Variants in TRIM69 observed in about 807,000 individuals in gnomAD.
TRIM69 encodes tripartite motif containing 69, also known as E3 ubiquitin-protein ligase TRIM69.
In TRIM69, 29 loss-of-function variants were observed where a neutral mutation model predicts 37.7. The observed-to-expected ratio is 0.77, with a 90% CI of 0.57 to 1.05. The LOEUF is 1.05. TRIM69 is among the 50% of genes least tolerant of loss of function. The pLI is 0.00. For missense variants in TRIM69, 596 were observed against 579.9 expected, an observed-to-expected ratio of 1.03 and a Z score of -0.28; for synonymous variants, 209 against 212.4, an observed-to-expected ratio of 0.98 and a Z score of 0.14.
At chr15:44,753,764 G>A (rs1298224769) in intron 1 of TRIM69, 1 of 151,932 alleles carries the variant, frequency 6.6e-6, no homozygotes, top group Non-Finnish European at 1.5e-5. Flanking sequence ...TGCCCAAGCT[G>A]GGGTGCAGTG....
At chr15:44,762,156 T>A (rs914814498) in intron 6 of TRIM69, among the ~76,000 whole-genome samples, 2 of 151,924 alleles carry the variant, frequency 1.3e-5, no homozygotes, top group African/African-American at 4.8e-5. Flanking sequence ...TTAGTAGAGA[T>A]GGGGTTTCAC....
chr15:44,763,501 T>G (rs1360659564), intron 6 of TRIM69, among the ~76,000 whole-genome samples: 2 of 152,204 alleles, frequency 1.3e-5, no homozygotes, highest in African/African-American at 4.8e-5. Context: ...TTGTATACTT[T>G]GGAAGGCAGT....
At chr15:44,758,546 T>C in intron 3 of TRIM69, 75 bp from the exon 4 acceptor site, 1 of 1,576,666 alleles carries the variant, frequency 6.3e-7, no homozygotes, top group Non-Finnish European at 8.6e-7. Context: ...AGTGTGTGAG[T>C]GTTGGTGGTG....
chr15:44,739,683 G>A (rs960323888), intron 1 of TRIM69, among the ~76,000 whole-genome samples: 9 of 152,080 alleles, frequency 5.9e-5, no homozygotes, highest in African/African-American at 1.9e-4. Context: ...TGGGAGGGGC[G>A]CCCACCATTG....
intron 1 of TRIM69, among the ~76,000 whole-genome samples, chr15:44,748,561 A>C (rs779286945): frequency 2.6e-5 from 4 of 152,028 alleles, no homozygotes; most frequent in Non-Finnish European, 2.9e-5. Context: ...GTGGTGGCTC[A>C]TGCCTGTAAT....
intron 1 of TRIM69, among the ~76,000 whole-genome samples, chr15:44,741,825 A>G (rs1370446890): frequency 1.3e-5 from 2 of 152,250 alleles, no homozygotes. Flanking sequence ...GCAATAATCA[A>G]TAGCTTACCA....
In TRIM69 at chr15:44,767,372, T is replaced by C. The variant is rs1443910032; in HGVS notation, c.1103T>C (p.Leu368Pro). ...PERFDSSVAV[L>P]GSRGFTSGKW... is the part of the protein sequence containing the mutation. Reference sequence around the variant, plus strand: ...AGGTTTGACTCAAGTGTGGCTGTACTGGGCTCAAGAGGCTTCACCTCTGGA... The same window carrying C: ...AGGTTTGACTCAAGTGTGGCTGTACCGGGCTCAAGAGGCTTCACCTCTGGA... Residue 368 changes from leucine to proline, a missense_variant, in exon 7 of 7, where the codon CTG (leucine) becomes CCG (proline). Physicochemically the swap from Leu to Pro is moderately conservative, Grantham distance 98 (BLOSUM62 -3). Transcript: ENST00000329464. 6.2e-7 allele frequency: 1 copy of C among 1,614,146 alleles called. No homozygotes were observed. Among genetic ancestry groups the C allele is most frequent in the South Asian group, 1.1e-5 (1 of 91,086 alleles).
chr15:44,757,554 A>G (rs942226159), intron 3 of TRIM69: 1 of 152,254 alleles, frequency 6.6e-6, no homozygotes, highest in Non-Finnish European at 1.5e-5. Flanking sequence ...GTTAGCTGCT[A>G]TGTTAAACAG....
chr15:44,744,675 G>A (rs2468065), intron 1 of TRIM69, among the ~76,000 whole-genome samples: 118,155 of 151,990 alleles, frequency 0.78, 46,617 homozygotes, highest in Middle Eastern at 0.85. Context: ...TCCCATCTTG[G>A]TGGTGGTTTT....
Position 44,755,394 on chromosome 15 carries a change from C to T in TRIM69, c.483+18C>T, listed in dbSNP as rs753776021. ...TCTTCACGGTGGGTGAGCCCTGGGC[C>T]TTGAACAATCCCTTAGAAAAACTAG... On this transcript the variant is annotated intron_variant, in intron 2 of 6. Coordinates refer to ENST00000329464, the MANE Select transcript of TRIM69 (RefSeq NM_182985.5). 1 of 1,564,566 alleles carries T rather than the reference C, an allele frequency of 6.4e-7. No homozygotes were observed. Among genetic ancestry groups the T allele is most frequent in the Non-Finnish European group, 8.8e-7 (1 of 1,139,194 alleles).
chr15:44,765,615 G>A (rs558339002), intron 6 of TRIM69, among the ~76,000 whole-genome samples: 19 of 147,224 alleles, frequency 1.3e-4, no homozygotes, highest in African/African-American at 2.0e-4. Flanking sequence ...TCAGCTGAGC[G>A]TGGTGGTGCA....
rs574140776 is a variant in TRIM69, at chr15:44,749,513, C to G, written c.7-5387C>G. 2.0e-5 allele frequency among the ~76,000 whole-genome samples: 3 copies of G among 152,216 alleles called. No homozygotes were observed. In the East Asian group the frequency reaches 5.8e-4, roughly 29 times the overall value. ...GACCTTTTGTGTCTGGGTTTTTTCA[C>G]TTAGCATAATGTTTTTGAGGTTCAT... On this transcript the variant is annotated intron_variant, in intron 1 of 6. Coordinates refer to ENST00000329464, the MANE Select transcript of TRIM69 (RefSeq NM_182985.5).
At chr15:44,736,832 C>G in intron 1 of TRIM69, 122 bp downstream of exon 1, 1 of 1,107,940 alleles carries the variant, frequency 9.0e-7, no homozygotes, top group Admixed American at 2.4e-5. Flanking sequence ...AAGTATTTAA[C>G]TTGTGACAGC....
chr15:44,745,114 G>A (rs1293683940), intron 1 of TRIM69, among the ~76,000 whole-genome samples: 4 of 151,662 alleles, frequency 2.6e-5, no homozygotes, highest in Non-Finnish European at 2.9e-5. Flanking sequence ...TTTTCTTCTC[G>A]GAGTGACTTT....
At chr15:44,738,233 A>ATTT (rs11440122) in intron 1 of TRIM69, among the ~76,000 whole-genome samples, 10 of 143,718 alleles carry the variant, frequency 7.0e-5, no homozygotes, top group African/African-American at 1.5e-4. Context: ...TAATTTTTGT[A>ATTT]TTATTATTTT....
chr15:44,751,423 A>G (rs979592129), intron 1 of TRIM69, among the ~76,000 whole-genome samples: 2 of 151,872 alleles, frequency 1.3e-5, no homozygotes, highest in Non-Finnish European at 2.9e-5. Flanking sequence ...GCCTTTTAAA[A>G]AAATTATTAT....
intron 1 of TRIM69, among the ~76,000 whole-genome samples, chr15:44,737,280 C>A (rs2087181918): frequency 6.6e-6 from 1 of 152,190 alleles, no homozygotes; most frequent in African/African-American, 2.4e-5. Flanking sequence ...TCATCCATTT[C>A]CACTAGTTTC....
intron 1 of TRIM69, among the ~76,000 whole-genome samples, chr15:44,741,024 C>G (rs1387291897): frequency 3.3e-5 from 5 of 149,524 alleles, no homozygotes; most frequent in Admixed American, 6.6e-5. Flanking sequence ...TTTTTTTCAG[C>G]ACCACACCAC....
intron 1 of TRIM69, among the ~76,000 whole-genome samples, chr15:44,745,952 G>A (rs1254175459): frequency 6.6e-6 from 1 of 152,070 alleles, no homozygotes; most frequent in Non-Finnish European, 1.5e-5. Context: ...GAGAGAAGGG[G>A]ACAGAAAGAA....
Sources: gnomAD v4.1 joint callset for allele counts (sites outside exome capture counted in the v4.1 genomes callset) on GRCh38, gnomAD v4.1.1 for gene constraint, MANE v1.5 for transcripts, NCBI Gene and HGNC (gene_info 2026-07-23, HGNC 2026-07-21) for gene names.